The following SORL1 variants were observed in gnomAD, a reference collection of about 807,000 sequenced individuals.
SORL1 encodes sortilin related receptor 1.
Under a neutral mutation model 273.7 loss-of-function variants are expected in SORL1, and 127 were observed. The ratio of observed to expected loss-of-function variants is 0.46; its 90% CI spans 0.40 to 0.54. The LOEUF is 0.54. Ranked by LOEUF, SORL1 falls within the 20% of genes least tolerant of loss-of-function variation. SORL1 has a pLI of 0.00. For synonymous variants in SORL1, 1,031 were observed against 1,067.4 expected (o/e 0.97, Z 0.66); for missense variants, 2,494 against 2,846.1 (o/e 0.88, Z 2.81).
chr11:121,463,273 C>T (rs775895453), intron 1 of SORL1, among the ~76,000 whole-genome samples: 7 of 150,768 alleles, frequency 4.6e-5, no homozygotes, highest in Non-Finnish European at 7.4e-5. Flanking sequence ...TTTTTTTTGC[C>T]AACTGGTAAA....
chr11:121,477,982 A>T (rs1861302773), intron 2 of SORL1, 136 bp from the exon 3 acceptor site: 1 of 933,350 alleles, frequency 1.1e-6, no homozygotes, highest in Non-Finnish European at 1.6e-6. Flanking sequence ...CAGTGAGCTG[A>T]GATCGCACCA....
chr11:121,469,206 A>T (rs1861134582), intron 1 of SORL1, among the ~76,000 whole-genome samples: 8 of 152,180 alleles, frequency 5.3e-5, no homozygotes, highest in Admixed American at 5.2e-4. Context: ...GGCCAGGCCG[A>T]TAGTGGCCCT....
chr11:121,527,838 G>A (rs961147928), intron 11 of SORL1, among the ~76,000 whole-genome samples: 2 of 151,958 alleles, frequency 1.3e-5, no homozygotes, highest in African/African-American at 2.4e-5. Flanking sequence ...CTTGATATTG[G>A]TGATATGTGT....
At chr11:121,503,151 C>T (rs143847992) in intron 6 of SORL1, among the ~76,000 whole-genome samples, 6 of 151,948 alleles carry the variant, frequency 3.9e-5, no homozygotes, top group African/African-American at 7.3e-5. Context: ...ATTGTAGGCA[C>T]GAGCCACCAT....
rs1862889819 is a variant in SORL1, at chr11:121,574,182, T to C, written c.3338-59T>C. On this transcript the variant is annotated intron_variant, in intron 23 of 47. Transcript: ENST00000260197. Reference sequence around the variant, plus strand: ...TTAATTGGTTTTCCAGTAGGATGTTTACATTTGTGGGAAATCAATTGTACC... The same window carrying C: ...TTAATTGGTTTTCCAGTAGGATGTTCACATTTGTGGGAAATCAATTGTACC... The C allele has an allele frequency of 4.5e-6, 7 of 1,559,190 alleles. No individual in the cohort carries two copies. In the South Asian group the frequency reaches 6.7e-5, roughly 15 times the overall value.
intron 14 of SORL1, among the ~76,000 whole-genome samples, chr11:121,546,241 C>T (rs373322620): frequency 6.6e-6 from 1 of 152,130 alleles, no homozygotes; most frequent in Non-Finnish European, 1.5e-5. Flanking sequence ...GGAGAAAGAC[C>T]TTAGAGGGGA....
rs560299380 is a variant in SORL1, at chr11:121,595,702, G to A, written c.4449G>A (p.Thr1483=). 38 of 1,614,052 alleles carry A rather than the reference G, an allele frequency of 2.4e-5. 1 individual carries two copies. The East Asian group carries it at 5.1e-4, about 22-fold the overall frequency. The part of the protein sequence containing the change: ...RFEFECHQPK[T]CIPNWKRCDG... ...AGTTCGAATGCCACCAACCGAAGACGTGTATTCCCAACTGGAAGCGCTGTG... is the reference window on the plus strand; with the variant it reads ...AGTTCGAATGCCACCAACCGAAGACATGTATTCCCAACTGGAAGCGCTGTG... The change falls in exon 32 of 48, where the codon ACG becomes ACA. Residue 1483 remains threonine, a synonymous_variant. Coordinates refer to ENST00000260197, the MANE Select transcript of SORL1 (RefSeq NM_003105.6). This position sits in a 1 kb window ranked among gnomAD's most constrained non-coding sequence, Gnocchi z 5.1.
chr11:121,621,959 G>T (rs997384678), intron 44 of SORL1, among the ~76,000 whole-genome samples: 1 of 152,190 alleles, frequency 6.6e-6, no homozygotes, highest in Admixed American at 6.5e-5. Context: ...CTTGGCTAAA[G>T]ATGTTATAAC....
At chr11:121,598,019 C>T (rs1440157516) in intron 32 of SORL1, among the ~76,000 whole-genome samples, 1 of 152,060 alleles carries the variant, frequency 6.6e-6, no homozygotes, top group Non-Finnish European at 1.5e-5. Context: ...AGAAAACAGA[C>T]CTGTAGAGTG....
intron 46 of SORL1, 108 bp downstream of exon 46, chr11:121,625,385 C>A: frequency 1.1e-6 from 1 of 913,766 alleles, no homozygotes; most frequent in Non-Finnish European, 1.6e-6. Context: ...AAGATATTCT[C>A]AGCTTAAAAG....
intron 32 of SORL1, among the ~76,000 whole-genome samples, chr11:121,600,097 A>G (rs1403624802): frequency 6.6e-6 from 1 of 152,232 alleles, no homozygotes; most frequent in Non-Finnish European, 1.5e-5. Context: ...ATTTTCTGGC[A>G]AAACACTCAG....
chr11:121,592,422 A>C (rs1264435394), intron 31 of SORL1, among the ~76,000 whole-genome samples: 1 of 152,226 alleles, frequency 6.6e-6, no homozygotes, highest in East Asian at 1.9e-4. Flanking sequence ...TCTTAGGTTC[A>C]CAAAAGTTTG....
intron 3 of SORL1, among the ~76,000 whole-genome samples, chr11:121,484,439 A>C (rs886921037): frequency 2.0e-5 from 3 of 152,174 alleles, no homozygotes; most frequent in Non-Finnish European, 2.9e-5. Flanking sequence ...AAAGGAAGGC[A>C]CATATTTTGA....
chr11:121,579,013 A>T (rs918927891), intron 25 of SORL1, among the ~76,000 whole-genome samples: 1 of 152,244 alleles, frequency 6.6e-6, no homozygotes, highest in African/African-American at 2.4e-5. Context: ...GCACTTGGAC[A>T]TTGCAGTTTG....
At chr11:121,512,929 T>C (rs1209460032) in intron 6 of SORL1, 74 bp from the exon 7 acceptor site, 39 of 1,005,086 alleles carry the variant, frequency 3.9e-5, no homozygotes, top group Non-Finnish European at 7.8e-6. Context: ...CTGACTCTTC[T>C]ATTTTTATTT....
intron 6 of SORL1, among the ~76,000 whole-genome samples, chr11:121,509,866 A>C (rs557281002): frequency 6.6e-6 from 1 of 152,226 alleles, no homozygotes; most frequent in African/African-American, 2.4e-5. Flanking sequence ...ATTAGATTCA[A>C]ATATTTAAAT....
At chr11:121,573,972 C>T (rs1218646624) in intron 23 of SORL1, among the ~76,000 whole-genome samples, 1 of 152,212 alleles carries the variant, frequency 6.6e-6, no homozygotes, top group Non-Finnish European at 1.5e-5. Context: ...GCCTGTCACT[C>T]TCTCTCGCCA....
intron 1 of SORL1, chr11:121,453,052 AAAAGTGGGC>A: frequency 6.3e-6 from 1 of 159,130 alleles, no homozygotes; most frequent in Admixed American, 6.5e-5. Flanking sequence ...TTAGCACAAT[AAAAGTGGGC>A]AAACCTGAAA....
At chr11:121,568,965 C>T (rs1031510181) in intron 22 of SORL1, among the ~76,000 whole-genome samples, 9 of 152,258 alleles carry the variant, frequency 5.9e-5, no homozygotes, top group Non-Finnish European at 8.8e-5. Flanking sequence ...GTGGGAAGTC[C>T]GGGACCCCGA....
Sources: allele counts gnomAD v4.1 joint callset (sites outside exome capture counted in the v4.1 genomes callset), GRCh38; gene constraint gnomAD v4.1.1; non-coding constraint Gnocchi (gnomAD v3.1); transcripts MANE v1.5; gene names NCBI Gene and HGNC (gene_info 2026-07-23, HGNC 2026-07-21).